The following PTPRD variants were observed in gnomAD, a reference collection of about 807,000 sequenced individuals.
PTPRD encodes the protein protein tyrosine phosphatase receptor type D, also known as receptor-type tyrosine-protein phosphatase delta.
PTPRD carries 34 observed loss-of-function variants against 214.5 expected under a neutral mutation model. The observed-to-expected ratio is 0.16, with a 90% CI of 0.12 to 0.21. The LOEUF is 0.21. Ranked by LOEUF, PTPRD falls within the 10% of genes least tolerant of loss-of-function variation. PTPRD has a pLI of 1.00. For synonymous variants in PTPRD, 1,128 were observed against 845.7 expected (o/e 1.33, Z -5.79); for missense variants, 2,545 against 2,398.7 (o/e 1.06, Z -1.27).
At chr9:10,294,552 T>C (rs1289958996) in intron 3 of PTPRD, among the ~76,000 whole-genome samples, 2 of 152,006 alleles carry the variant, frequency 1.3e-5, no homozygotes, top group Non-Finnish European at 2.9e-5. Context: ...ATGACTGATG[T>C]ATCCATTTGT....
chr9:8,866,097 A>G (rs1029736056), intron 11 of PTPRD, among the ~76,000 whole-genome samples: 3 of 152,182 alleles, frequency 2.0e-5, no homozygotes, highest in Non-Finnish European at 4.4e-5. Flanking sequence ...ATAGGAACAT[A>G]TATTACTGGA....
At chr9:8,713,234 A>G in intron 12 of PTPRD, 1 of 615,314 alleles carries the variant, frequency 1.6e-6, no homozygotes, top group Non-Finnish European at 2.9e-6. Context: ...TCGCTCCTAA[A>G]CTGAGTCTCC....
At chr9:8,845,161 T>A (rs944694032) in intron 11 of PTPRD, among the ~76,000 whole-genome samples, 4 of 132,082 alleles carry the variant, frequency 3.0e-5, no homozygotes, top group Non-Finnish European at 6.3e-5. Context: ...TCTAAAATCC[T>A]TGCAGGAAAA....
intron 3 of PTPRD, among the ~76,000 whole-genome samples, chr9:10,131,226 G>T (rs2098877417): frequency 6.6e-6 from 1 of 152,120 alleles, no homozygotes; most frequent in Non-Finnish European, 1.5e-5. Flanking sequence ...ACAGCAATTA[G>T]AGAGTCAAAG....
At chr9:9,856,383 G>A (rs1022649306) in intron 5 of PTPRD, among the ~76,000 whole-genome samples, 2 of 152,230 alleles carry the variant, frequency 1.3e-5, no homozygotes, top group East Asian at 1.9e-4. Context: ...TGGCTTGAGG[G>A]TAGGGCTTCA....
intron 12 of PTPRD, among the ~76,000 whole-genome samples, chr9:8,651,741 A>T (rs1337623819): frequency 6.6e-6 from 1 of 152,122 alleles, no homozygotes; most frequent in Non-Finnish European, 1.5e-5. Flanking sequence ...CCCTCACCGA[A>T]ATCTGTTATG....
At chr9:10,241,733 G>C (rs2154362969) in intron 3 of PTPRD, among the ~76,000 whole-genome samples, 1 of 151,948 alleles carries the variant, frequency 6.6e-6, no homozygotes, top group African/African-American at 2.4e-5. Flanking sequence ...AGAAACTTTT[G>C]GGGATGATGG....
intron 12 of PTPRD, among the ~76,000 whole-genome samples, chr9:8,687,990 T>A (rs1406552364): frequency 6.6e-6 from 1 of 152,238 alleles, no homozygotes; most frequent in African/African-American, 2.4e-5. Context: ...AAATTCTGAA[T>A]GCCTACAAAA....
chr9:9,178,581 T>C (rs992173393), intron 10 of PTPRD, among the ~76,000 whole-genome samples: 2 of 152,076 alleles, frequency 1.3e-5, no homozygotes, highest in African/African-American at 2.4e-5. Flanking sequence ...ACCATGTAAG[T>C]GTAGACATAT....
intron 3 of PTPRD, among the ~76,000 whole-genome samples, chr9:10,132,427 C>T (rs2098900083): frequency 6.6e-6 from 1 of 152,058 alleles, no homozygotes; most frequent in Admixed American, 6.6e-5. Flanking sequence ...TAACAAACAC[C>T]TGCCATATGA....
chr9:8,589,590 T>C (rs2093941162), intron 14 of PTPRD, among the ~76,000 whole-genome samples: 1 of 152,226 alleles, frequency 6.6e-6, no homozygotes, highest in African/African-American at 2.4e-5. Context: ...AAGCTATTTG[T>C]GACTTAAAAA....
At chr9:10,320,623 G>A (rs1447624933) in intron 3 of PTPRD, among the ~76,000 whole-genome samples, 1 of 151,872 alleles carries the variant, frequency 6.6e-6, no homozygotes, top group Admixed American at 6.6e-5. Flanking sequence ...ATATTTTAAT[G>A]ACATCATTAA....
At chr9:8,502,495 C>T (rs4549838) in intron 23 of PTPRD, among the ~76,000 whole-genome samples, 14,381 of 151,980 alleles carry the variant, frequency 0.095, 751 homozygotes, top group East Asian at 0.16. Flanking sequence ...GCTCTCTGTA[C>T]TGACAAAAAA....
intron 3 of PTPRD, among the ~76,000 whole-genome samples, chr9:10,319,299 G>A (rs904369075): frequency 1.3e-5 from 2 of 152,048 alleles, no homozygotes; most frequent in Non-Finnish European, 2.9e-5. Flanking sequence ...CTCTGCAGAT[G>A]ACTTAGTGCT....
intron 11 of PTPRD, among the ~76,000 whole-genome samples, chr9:8,818,962 T>G (rs1442599138): frequency 6.6e-6 from 1 of 152,166 alleles, no homozygotes; most frequent in African/African-American, 2.4e-5. Context: ...GAAAACGACA[T>G]AGCACTCTAG....
chr9:9,482,672 T>C (rs1326225550), intron 8 of PTPRD, among the ~76,000 whole-genome samples: 1 of 152,188 alleles, frequency 6.6e-6, no homozygotes, highest in Non-Finnish European at 1.5e-5. Flanking sequence ...ATGGCAGTGG[T>C]TCTAAGCACA....
At chr9:10,183,767 A>G (rs545806795) in intron 3 of PTPRD, among the ~76,000 whole-genome samples, 22 of 152,324 alleles carry the variant, frequency 1.4e-4, no homozygotes, top group African/African-American at 4.8e-4. Context: ...TAAAACGTCA[A>G]AGAAAAAGCT....
At chr9:9,734,396 T>G (rs2098255912) in intron 7 of PTPRD, 137 bp downstream of exon 7, 1 of 152,028 alleles carries the variant, frequency 6.6e-6, no homozygotes, top group Non-Finnish European at 1.5e-5. Flanking sequence ...AGATTCAAAC[T>G]CAGAAGATGG....
chr9:9,023,268 C>T (rs2099575733), intron 10 of PTPRD, among the ~76,000 whole-genome samples: 1 of 152,186 alleles, frequency 6.6e-6, no homozygotes, highest in Middle Eastern at 3.4e-3. Context: ...AATTTGTGTA[C>T]TGCATTTAAT....
Sources: allele counts gnomAD v4.1 joint callset (sites outside exome capture counted in the v4.1 genomes callset), GRCh38; gene constraint gnomAD v4.1.1; transcripts MANE v1.5; gene names NCBI Gene and HGNC (gene_info 2026-07-23, HGNC 2026-07-21).